PRIM2: variants seen among roughly 807,000 people sequenced by gnomAD.
The protein encoded by PRIM2 is DNA primase large subunit.
In PRIM2, 39 loss-of-function variants were observed where a neutral mutation model predicts 67.3. The observed-to-expected ratio is 0.58, with a 90% CI of 0.45 to 0.76. PRIM2 has a LOEUF of 0.76. Ranked by LOEUF, PRIM2 falls within the 30% of genes least tolerant of loss-of-function variation. PRIM2 has a pLI of 0.00. For missense variants in PRIM2, 398 were observed against 598.7 expected, an observed-to-expected ratio of 0.66 and a Z score of 3.50; for synonymous variants, 143 against 198.7, an observed-to-expected ratio of 0.72 and a Z score of 2.36.
chr6:57,407,338 T>G (rs1246622958), intron 7 of PRIM2, among the ~76,000 whole-genome samples: 1 of 151,884 alleles, frequency 6.6e-6, no homozygotes, highest in Admixed American at 6.6e-5. Flanking sequence ...ATATTTGAAT[T>G]TTGTTCAAAA....
chr6:57,259,345 C>T, the PRIM2 span, among the ~76,000 whole-genome samples: 1 of 127,956 alleles, frequency 7.8e-6, no homozygotes, highest in African/African-American at 2.7e-5. Flanking sequence ...CATCTTCCTC[C>T]TGGGACCAGT....
At chr6:57,391,659 G>T (rs1770349812) in intron 7 of PRIM2, among the ~76,000 whole-genome samples, 1 of 152,148 alleles carries the variant, frequency 6.6e-6, no homozygotes. Context: ...CTTTGTTGAA[G>T]ATCATATGGT....
intron 8 of PRIM2, among the ~76,000 whole-genome samples, chr6:57,508,975 T>C (rs1265015284): frequency 1.3e-5 from 2 of 152,236 alleles, no homozygotes; most frequent in Non-Finnish European, 2.9e-5. Flanking sequence ...TTTTCCTTTA[T>C]GGTTTTGAAA....
At chr6:57,339,925 C>G (rs1768410202) in intron 5 of PRIM2, among the ~76,000 whole-genome samples, 1 of 150,840 alleles carries the variant, frequency 6.6e-6, no homozygotes, top group Non-Finnish European at 1.5e-5. Flanking sequence ...AGGCAACCTA[C>G]AAAATGGGAG....
intron 7 of PRIM2, among the ~76,000 whole-genome samples, chr6:57,421,447 G>A (rs1232233331): frequency 6.6e-6 from 1 of 152,142 alleles, no homozygotes; most frequent in South Asian, 2.1e-4. Flanking sequence ...CAGCTCTCTA[G>A]TATGCAAAAC....
At chr6:57,518,434 A>G (rs1554348489) in intron 8 of PRIM2, among the ~76,000 whole-genome samples, 91 of 152,280 alleles carry the variant, frequency 6.0e-4, no homozygotes, top group African/African-American at 2.2e-3. Flanking sequence ...TGCTTGTTCA[A>G]TATTTTTTTG....
chr6:57,321,026 A>C (rs1217359072), intron 3 of PRIM2, among the ~76,000 whole-genome samples: 4 of 152,194 alleles, frequency 2.6e-5, no homozygotes, highest in African/African-American at 7.2e-5. Context: ...AGATGTGATT[A>C]GATTTTCATT....
At chr6:57,631,735 C>G (rs1394161495) in intron 12 of PRIM2, among the ~76,000 whole-genome samples, 2 of 152,194 alleles carry the variant, frequency 1.3e-5, no homozygotes, top group Non-Finnish European at 2.9e-5. Flanking sequence ...AAATAGTATA[C>G]TTGATTGCTT....
chr6:57,418,696 G>C (rs1399060454), intron 7 of PRIM2, among the ~76,000 whole-genome samples: 2 of 151,828 alleles, frequency 1.3e-5, no homozygotes, highest in African/African-American at 2.4e-5. Context: ...CACTGTGCCC[G>C]GCCTGTTTCC....
chr6:57,603,652 T>G, intron 11 of PRIM2, among the ~76,000 whole-genome samples: 1 of 152,072 alleles, frequency 6.6e-6, no homozygotes, highest in Admixed American at 6.6e-5. Flanking sequence ...TAGGATTGCT[T>G]TGGTCATTTA....
At chr6:57,641,906 A>AT (rs1777243599) in intron 13 of PRIM2, among the ~76,000 whole-genome samples, 2 of 152,260 alleles carry the variant, frequency 1.3e-5, no homozygotes, top group Admixed American at 1.3e-4. Context: ...ATTATAAATC[A>AT]TGCTACTGTA....
chr6:57,325,885 G>T, intron 4 of PRIM2, 40 bp from the exon 5 acceptor site: 1 of 1,523,630 alleles, frequency 6.6e-7, no homozygotes, highest in South Asian at 1.3e-5. Context: ...ATAATTACTG[G>T]ATTTTTAGTT....
At chr6:57,478,308 AGTT>A (rs1158015386) in intron 7 of PRIM2, among the ~76,000 whole-genome samples, 3 of 150,760 alleles carry the variant, frequency 2.0e-5, no homozygotes, top group African/African-American at 2.4e-5. Flanking sequence ...TCATTTTATT[AGTT>A]GTTGTTGTGG....
rs1421765682 is a variant in PRIM2, at chr6:57,558,280, G to A, written c.1020+20655G>A. Among the ~76,000 whole-genome samples, 71 of 152,254 alleles carry A rather than the reference G, an allele frequency of 4.7e-4. 1 individual carries two copies. The highest frequency in any genetic ancestry group is 1.6e-3 in the African/African-American group (66 of 41,556). ...CCCCTAAGTTCTTATTTAATATGACGTAGAAAGTAGTAAGCATAGTAGGAG... is the reference window on the plus strand; with the variant it reads ...CCCCTAAGTTCTTATTTAATATGACATAGAAAGTAGTAAGCATAGTAGGAG... On this transcript the variant is annotated intron_variant, in intron 10 of 13. Coordinates refer to ENST00000615550, the MANE Select transcript of PRIM2 (RefSeq NM_000947.5).
At chr6:57,309,758 T>C in the PRIM2 span, among the ~76,000 whole-genome samples, 1 of 152,216 alleles carries the variant, frequency 6.6e-6, no homozygotes, top group Non-Finnish European at 1.5e-5. Flanking sequence ...TCCACAATGG[T>C]TGAACTAGTT....
the PRIM2 span, among the ~76,000 whole-genome samples, chr6:57,309,337 G>A: frequency 7.9e-6 from 1 of 126,378 alleles, no homozygotes; most frequent in African/African-American, 3.1e-5. Flanking sequence ...TCCCCTTCCT[G>A]TGTCCATGTG....
rs1776300870 is a variant in PRIM2, at chr6:57,592,613, G to A, written c.1021-8480G>A. Among the ~76,000 whole-genome samples, 4 of 152,094 alleles carry A rather than the reference G, an allele frequency of 2.6e-5. No homozygotes were observed. The South Asian group carries it at 8.3e-4, about 32-fold the overall frequency. On this transcript the variant is annotated intron_variant, in intron 10 of 13. Coordinates refer to ENST00000615550, the MANE Select transcript of PRIM2 (RefSeq NM_000947.5). ...AGTTCGAGACCAGCCTGGCCAACAT[G>A]CAACATGGTCTCTACTAAAAATACA...
intron 10 of PRIM2, among the ~76,000 whole-genome samples, chr6:57,579,333 A>G (rs1161855957): frequency 1.3e-5 from 2 of 152,192 alleles, no homozygotes; most frequent in South Asian, 2.1e-4. Flanking sequence ...TTGTACAGGA[A>G]CAGTCTGGCT....
At chr6:57,463,690 T>C (rs13197454) in intron 7 of PRIM2, among the ~76,000 whole-genome samples, 2 of 152,104 alleles carry the variant, frequency 1.3e-5, no homozygotes, top group African/African-American at 4.8e-5. Context: ...TTCTTTACAT[T>C]AGGGCACTGA....
Sources: allele counts gnomAD v4.1 joint callset (sites outside exome capture counted in the v4.1 genomes callset), GRCh38; gene constraint gnomAD v4.1.1; transcripts MANE v1.5; gene names NCBI Gene and HGNC (gene_info 2026-07-23, HGNC 2026-07-21).